AFTPH: variants seen among roughly 807,000 people sequenced by gnomAD.
AFTPH encodes the protein aftiphilin protein.
A neutral mutation model predicts 72.5 loss-of-function variants in AFTPH; 7 were observed. That is an observed-to-expected ratio of 0.10 (90% CI 0.05 to 0.18). The LOEUF is 0.18. Among genes scored for constraint, AFTPH ranks in the 10% least tolerant of loss-of-function variants. The probability of loss-of-function intolerance (pLI) is 1.00; values close to 1 mark genes in which losing one functional copy is unlikely to be tolerated. For synonymous variants in AFTPH, 337 were observed against 370.1 expected, an observed-to-expected ratio of 0.91 and a Z score of 1.03; for missense variants, 979 against 1,060.5, an observed-to-expected ratio of 0.92 and a Z score of 1.07.
chr2:64,542,654 T>C (rs771709176), intron 1 of AFTPH, among the ~76,000 whole-genome samples: 4 of 151,730 alleles, frequency 2.6e-5, no homozygotes, highest in African/African-American at 7.3e-5. Context: ...TATGAAATTA[T>C]ATAGTTATAT....
At chr2:64,585,640 T>C (rs1673459193) in intron 8 of AFTPH, 95 bp downstream of exon 9, 1 of 1,365,270 alleles carries the variant, frequency 7.3e-7, no homozygotes, top group Non-Finnish European at 9.8e-7. Flanking sequence ...TTCAATATAT[T>C]ATATCACAAC....
chr2:64,592,115 TAAAAAAAA>T, exon 9 of AFTPH: 1 of 846,502 alleles, frequency 1.2e-6, no homozygotes, highest in Non-Finnish European at 1.6e-6. Flanking sequence ...CTGCTCTAAT[TAAAAAAAA>T]AAAAAAAAAA....
At chr2:64,533,760 G>A (rs1244112636) in intron 1 of AFTPH, among the ~76,000 whole-genome samples, 2 of 151,900 alleles carry the variant, frequency 1.3e-5, no homozygotes, top group Admixed American at 6.6e-5. Context: ...CCATTTACAT[G>A]AGCAGAAAAA....
intron 6 of AFTPH, among the ~76,000 whole-genome samples, chr2:64,575,390 C>G (rs1392174192): frequency 2.0e-5 from 3 of 152,066 alleles, no homozygotes; most frequent in Non-Finnish European, 2.9e-5. Flanking sequence ...CTTTGGGATG[C>G]CAAGGCAGGT....
At chr2:64,576,117 ACGTGTGT>A (rs1672776673) in intron 6 of AFTPH, among the ~76,000 whole-genome samples, 2 of 66,862 alleles carry the variant, frequency 3.0e-5, no homozygotes, top group South Asian at 5.1e-4. Flanking sequence ...ACACACACAC[ACGTGTGT>A]CATACAAATG....
chr2:64,539,200 TC>T (rs1459456856), intron 1 of AFTPH, among the ~76,000 whole-genome samples: 1 of 152,140 alleles, frequency 6.6e-6, no homozygotes, highest in African/African-American at 2.4e-5. Flanking sequence ...AGTATTAAAG[TC>T]CTGGGGAGCA....
At chr2:64,531,017 A>C (rs1669597436) in intron 1 of AFTPH, among the ~76,000 whole-genome samples, 1 of 148,460 alleles carries the variant, frequency 6.7e-6, no homozygotes, top group Non-Finnish European at 1.5e-5. Context: ...AGCCTAGATC[A>C]CACCACTGCA....
At chr2:64,561,433 T>C (rs1195125035) in intron 2 of AFTPH, among the ~76,000 whole-genome samples, 2 of 152,172 alleles carry the variant, frequency 1.3e-5, no homozygotes, top group African/African-American at 4.8e-5. Context: ...TCCTAGTGCT[T>C]TGGGAGGCCA....
At chr2:64,539,425 C>T (rs1246880252) in intron 1 of AFTPH, among the ~76,000 whole-genome samples, 1 of 152,184 alleles carries the variant, frequency 6.6e-6, no homozygotes, top group Admixed American at 6.5e-5. Flanking sequence ...CATACTTTCT[C>T]TTTAGACATG....
chr2:64,537,428 A>G (rs1297559510), intron 1 of AFTPH, among the ~76,000 whole-genome samples: 1 of 152,206 alleles, frequency 6.6e-6, no homozygotes, highest in African/African-American at 2.4e-5. Flanking sequence ...CCTAAAATAA[A>G]AGTTTAAAAA....
chr2:64,554,817 A>C (rs554378123), intron 2 of AFTPH, among the ~76,000 whole-genome samples: 223 of 152,300 alleles, frequency 1.5e-3, no homozygotes, highest in Non-Finnish European at 2.0e-3. Flanking sequence ...TTCCCTATTT[A>C]GTTTCATCTC....
intron 2 of AFTPH, among the ~76,000 whole-genome samples, chr2:64,563,783 C>G (rs1332609205): frequency 2.0e-5 from 3 of 151,954 alleles, no homozygotes; most frequent in African/African-American, 7.3e-5. Flanking sequence ...TTTTTTTGTA[C>G]TTTTAGTAGA....
intron 2 of AFTPH, among the ~76,000 whole-genome samples, chr2:64,566,084 C>G (rs1322890607): frequency 6.6e-6 from 1 of 152,184 alleles, no homozygotes; most frequent in Non-Finnish European, 1.5e-5. Flanking sequence ...TTTACCTTCC[C>G]TGCCCAGGAG....
chr2:64,524,863 G>C (rs1479149051), intron 1 of AFTPH, among the ~76,000 whole-genome samples: 1 of 152,246 alleles, frequency 6.6e-6, no homozygotes, highest in Non-Finnish European at 1.5e-5. Context: ...GGCACCGGCC[G>C]GGTAAGTGGG....
chr2:64,575,747 A>ATCTT (rs1553404083), intron 6 of AFTPH, among the ~76,000 whole-genome samples: 1 of 109,744 alleles, frequency 9.1e-6, no homozygotes, highest in African/African-American at 3.2e-5. Flanking sequence ...GTGTGTATAT[A>ATCTT]TTTTTTTTGG....
intron 1 of AFTPH, among the ~76,000 whole-genome samples, chr2:64,529,259 C>T (rs892219365): frequency 6.6e-6 from 1 of 151,816 alleles, no homozygotes; most frequent in African/African-American, 2.4e-5. Flanking sequence ...TCTTTAATGA[C>T]TACCATTTCC....
intron 2 of AFTPH, among the ~76,000 whole-genome samples, chr2:64,566,736 G>T (rs1672113269): frequency 6.6e-6 from 1 of 150,864 alleles, no homozygotes; most frequent in South Asian, 2.1e-4. Flanking sequence ...AAACTAAGTT[G>T]ATCTAAATCC....
intron 2 of AFTPH, among the ~76,000 whole-genome samples, chr2:64,558,441 C>T (rs1671523180): frequency 6.6e-6 from 1 of 152,138 alleles, no homozygotes; most frequent in Admixed American, 6.5e-5. Context: ...ACACAAAGCA[C>T]TTCTAATATT....
At position 64,569,234 on chromosome 2, in the gene AFTPH, C is replaced by T; in HGVS notation, c.2214+16C>T. 1 of 1,597,034 alleles carries T rather than the reference C, an allele frequency of 6.3e-7. No homozygotes were observed. The highest frequency in any genetic ancestry group is 8.5e-7 in the Non-Finnish European group (1 of 1,169,996). On this transcript the variant is annotated intron_variant, in intron 4 of 8. Transcript: ENST00000238856. The stretch of plus-strand genomic sequence containing the variant: ...CCGAAACATTGTGAGTTTGTTAGTA[C>T]CTTGAAAAATCTTTTAATCAACCTG...
Sources: allele counts gnomAD v4.1 joint callset (sites outside exome capture counted in the v4.1 genomes callset), GRCh38; gene constraint gnomAD v4.1.1; transcripts MANE v1.5; gene names NCBI Gene and HGNC (gene_info 2026-07-23, HGNC 2026-07-21).